Variants in FADS3 observed in about 807,000 individuals in gnomAD.
FADS3 encodes cytochrome b5-related protein.
Under a neutral mutation model 60.4 loss-of-function variants are expected in FADS3, and 30 were observed. That is an observed-to-expected ratio of 0.50 (90% confidence interval 0.37 to 0.67). The LOEUF (loss-of-function observed/expected upper bound fraction) is 0.67, where lower values mean the gene tolerates loss of function less well. FADS3 is among the 30% of genes least tolerant of loss of function. The probability of loss-of-function intolerance (pLI) is 0.00; values close to 1 mark genes in which losing one functional copy is unlikely to be tolerated. For missense variants in FADS3, 432 were observed against 598.3 expected (o/e 0.72, Z 2.90); for synonymous variants, 234 against 249.3 (o/e 0.94, Z 0.58).
intron 1 of FADS3, among the ~76,000 whole-genome samples, chr11:61,888,387 C>T (rs1344986366): frequency 6.6e-6 from 1 of 152,264 alleles, no homozygotes; most frequent in Non-Finnish European, 1.5e-5. Flanking sequence ...GGCTCAACTA[C>T]ACAGGGCACT....
intron 1 of FADS3, among the ~76,000 whole-genome samples, chr11:61,890,946 C>T (rs958812707): frequency 6.6e-6 from 1 of 152,236 alleles, no homozygotes; most frequent in East Asian, 1.9e-4. Context: ...CCCCCGCAGA[C>T]CTGCTCCGTG....
intron 1 of FADS3, 124 bp from the exon 2 acceptor site, chr11:61,880,275 T>C (rs1308143592): frequency 1.4e-6 from 1 of 719,498 alleles, no homozygotes; most frequent in Non-Finnish European, 2.3e-6. Flanking sequence ...GGACAGGAAG[T>C]CAGCCGGCTG....
chr11:61,880,940 G>A (rs1938108440), intron 1 of FADS3: 1 of 152,116 alleles, frequency 6.6e-6, no homozygotes, highest in African/African-American at 2.4e-5. Flanking sequence ...GACCTCAGTT[G>A]ATCTGCCCAC....
At chr11:61,879,899 G>T in intron 2 of FADS3, 142 bp downstream of exon 2, 1 of 644,676 alleles carries the variant, frequency 1.6e-6, no homozygotes, top group Non-Finnish European at 2.6e-6. Flanking sequence ...CCCCCTGGGA[G>T]GGGAGGGCAG....
Position 61,877,655 on chromosome 11 carries a change from G to A in FADS3, c.809-68C>T, listed in dbSNP as rs1176034447. ...TGCCAAGGTGAGTGGGCGCCAGAGTGAGGGGCTCTGTTACTCCAGGAATGC... is the reference window on the plus strand; with the variant it reads ...TGCCAAGGTGAGTGGGCGCCAGAGTAAGGGGCTCTGTTACTCCAGGAATGC... On this transcript the variant is annotated intron_variant, in intron 6 of 11. Coordinates refer to ENST00000278829, the MANE Select transcript of FADS3 (RefSeq NM_021727.5). The surrounding 1 kb of genome is among the most constrained non-coding windows in gnomAD (Gnocchi z 4.7). 5 of 1,415,268 alleles carry A rather than the reference G, an allele frequency of 3.5e-6. No individual in the cohort carries two copies. Among genetic ancestry groups the A allele is most frequent in the Non-Finnish European group, 3.9e-6 (4 of 1,015,196 alleles). 87.7% of individuals were successfully genotyped at this position (1,415,268 alleles called of 1,614,324 possible).
intron 2 of FADS3, 79 bp downstream of exon 2, chr11:61,879,962 G>T: frequency 2.5e-6 from 3 of 1,213,098 alleles, no homozygotes; most frequent in Non-Finnish European, 3.6e-6. Context: ...AGCTGCTCCT[G>T]GCCATGTGGC....
At chr11:61,875,296 CT>C (rs1937824940) in intron 11 of FADS3, among the ~76,000 whole-genome samples, 1 of 152,128 alleles carries the variant, frequency 6.6e-6, no homozygotes, top group Non-Finnish European at 1.5e-5. Context: ...ACCTCCGCCC[CT>C]GCGAGTTCAA....
chr11:61,876,280 C>T lies in FADS3; in HGVS notation c.1080+79G>A, dbSNP rs542953731. 1.7e-5 allele frequency: 27 copies of T among 1,581,210 alleles called. No homozygotes were observed. In the East Asian group the frequency reaches 5.7e-4, roughly 33 times the overall value. On this transcript the variant is annotated intron_variant, in intron 9 of 11. Transcript: ENST00000278829. The surrounding 1 kb of genome is among the most constrained non-coding windows in gnomAD (Gnocchi z 5.7). ...CCCCCACCTGGCAGCCCCGTCAGGG[C>T]CTCATCCCTGCTTTGCCATCTGGCT...
At chr11:61,884,559 G>C (rs990636282) in intron 1 of FADS3, among the ~76,000 whole-genome samples, 1 of 152,210 alleles carries the variant, frequency 6.6e-6, no homozygotes, top group Non-Finnish European at 1.5e-5. Flanking sequence ...GGTGTGCGGG[G>C]GTCCTTGCCG....
At chr11:61,879,245 G>T in intron 3 of FADS3, 67 bp downstream of exon 3, 1 of 1,361,678 alleles carries the variant, frequency 7.3e-7, no homozygotes, top group Non-Finnish European at 1.0e-6. Flanking sequence ...TGTTCACAAT[G>T]CCCAGATGCA....
At chr11:61,889,537 C>T (rs190646424) in intron 1 of FADS3, among the ~76,000 whole-genome samples, 43 of 152,130 alleles carry the variant, frequency 2.8e-4, no homozygotes, top group Admixed American at 1.8e-3. Flanking sequence ...ATCCCAGCTA[C>T]TCGGGAGGCT....
chr11:61,874,404 T>C (rs1937792557), intron 11 of FADS3, among the ~76,000 whole-genome samples: 1 of 152,128 alleles, frequency 6.6e-6, no homozygotes, highest in Non-Finnish European at 1.5e-5. Flanking sequence ...GGCAACCAAG[T>C]AAGGGGAACA....
intron 3 of FADS3, among the ~76,000 whole-genome samples, 181 bp from the exon 4 acceptor site, chr11:61,879,028 C>T (rs781226633): frequency 1.3e-5 from 2 of 152,110 alleles, no homozygotes; most frequent in South Asian, 2.1e-4. Flanking sequence ...TGGAGGGGCT[C>T]GTAAGTGTCA....
intron 11 of FADS3, among the ~76,000 whole-genome samples, chr11:61,874,666 T>A (rs981379665): frequency 2.6e-5 from 4 of 152,130 alleles, no homozygotes; most frequent in African/African-American, 9.7e-5. Flanking sequence ...GAGCTTGGCA[T>A]TCAGGGTCAA....
chr11:61,877,646 C>T lies in FADS3; in HGVS notation c.809-59G>A, dbSNP rs377336842. 18 of 1,497,734 alleles carry T rather than the reference C, an allele frequency of 1.2e-5. No homozygotes were observed. The highest frequency in any genetic ancestry group is 1.7e-4 in the Middle Eastern group (1 of 5,828). 92.8% of individuals were successfully genotyped at this position (1,497,734 alleles called of 1,614,324 possible). On this transcript the variant is annotated intron_variant, in intron 6 of 11. Coordinates refer to ENST00000278829, the MANE Select transcript of FADS3 (RefSeq NM_021727.5). The surrounding 1 kb of genome is among the most constrained non-coding windows in gnomAD (Gnocchi z 4.7). ...GGGCTGGGCTGCCAAGGTGAGTGGG[C>T]GCCAGAGTGAGGGGCTCTGTTACTC...
In FADS3 at chr11:61,876,843, G is replaced by A. The variant is rs1356458081; in HGVS notation, c.983+23C>T. On this transcript the variant is annotated intron_variant, in intron 8 of 11. Coordinates refer to ENST00000278829, the MANE Select transcript of FADS3 (RefSeq NM_021727.5). This position sits in a 1 kb window ranked among gnomAD's most constrained non-coding sequence, Gnocchi z 5.7. ...TGGGGGTCACCTGTCGCCTGTGTGT[G>A]ACCTCGCCACTCCCTGCCATACCTG... 1 of 1,576,018 alleles carries A rather than the reference G, an allele frequency of 6.3e-7. No individual in the cohort carries two copies. Among genetic ancestry groups the A allele is most frequent in the South Asian group, 1.1e-5 (1 of 87,006 alleles).
chr11:61,877,377 C>G lies in FADS3; in HGVS notation c.885+134G>C. On this transcript the variant is annotated intron_variant, in intron 7 of 11. Coordinates refer to ENST00000278829, the MANE Select transcript of FADS3 (RefSeq NM_021727.5). This position sits in a 1 kb window ranked among gnomAD's most constrained non-coding sequence, Gnocchi z 4.7. ...CGCACACATGTGAGCCACACTGTTGCACGCATACATGTGAGCCACACTGTT... is the reference window on the plus strand; with the variant it reads ...CGCACACATGTGAGCCACACTGTTGGACGCATACATGTGAGCCACACTGTT... 1.4e-6 allele frequency: 1 copy of G among 702,984 alleles called. No homozygotes were observed. Among genetic ancestry groups the G allele is most frequent in the Non-Finnish European group, 2.4e-6 (1 of 418,546 alleles). The allele number at this position is 702,984 out of a possible 1,614,324, so 43.5% of individuals were successfully genotyped here.
rs144203744 is a variant in FADS3 at position 61,883,614 on chromosome 11, C to T, written c.214-3463G>A. 6.0e-3 allele frequency among the ~76,000 whole-genome samples: 908 copies of T among 152,338 alleles called. 6 individuals carry two copies. Among genetic ancestry groups the T allele is most frequent in the South Asian group, 0.017 (84 of 4,830 alleles). On this transcript the variant is annotated intron_variant, in intron 1 of 11. Transcript: ENST00000278829. The stretch of plus-strand genomic sequence containing the variant: ...GCACGCACAGACACACCCGGCGCAA[C>T]GTGCAAGCTGTGGCTGCGGCCCCAG...
At chr11:61,879,261 G>T in intron 3 of FADS3, 51 bp downstream of exon 3, 1 of 1,477,944 alleles carries the variant, frequency 6.8e-7, no homozygotes, top group Non-Finnish European at 9.2e-7. Flanking sequence ...ATGCATGGGG[G>T]CCCACGTCTG....
Sources: gnomAD v4.1 joint callset for allele counts (sites outside exome capture counted in the v4.1 genomes callset) on GRCh38, gnomAD v4.1.1 for gene constraint, Gnocchi (gnomAD v3.1) non-coding constraint, MANE v1.5 for transcripts, NCBI Gene and HGNC (gene_info 2026-07-23, HGNC 2026-07-21) for gene names.